The following TRDN variants were observed in gnomAD, a reference collection of about 807,000 sequenced individuals.
TRDN encodes triadin in skeletal muscle.
A neutral mutation model predicts 149.7 loss-of-function variants in TRDN; 161 were observed. The observed-to-expected ratio is 1.08, with a 90% CI of 0.95 to 1.23. The LOEUF is 1.23. Among genes scored for constraint, TRDN ranks in the 50% most tolerant of loss-of-function variants. The pLI is 0.00. For missense variants in TRDN, 896 were observed against 823.5 expected, an observed-to-expected ratio of 1.09 and a Z score of -1.08; for synonymous variants, 294 against 250.5, an observed-to-expected ratio of 1.17 and a Z score of -1.64.
At chr6:123,472,651 A>G (rs565643929) in intron 9 of TRDN, among the ~76,000 whole-genome samples, 42 of 152,346 alleles carry the variant, frequency 2.8e-4, no homozygotes, top group African/African-American at 9.9e-4. Context: ...ACAAAAAGAC[A>G]GCAGTAACCT....
chr6:123,324,124 T>C (rs374450332), intron 23 of TRDN, among the ~76,000 whole-genome samples: 1 of 152,160 alleles, frequency 6.6e-6, no homozygotes, highest in East Asian at 1.9e-4. Context: ...ATTCCTTAGT[T>C]TTCCTTTACT....
At chr6:123,577,327 T>A (rs1217695021) in intron 1 of TRDN, among the ~76,000 whole-genome samples, 1 of 152,098 alleles carries the variant, frequency 6.6e-6, no homozygotes, top group Non-Finnish European at 1.5e-5. Context: ...GGCCCCAGTG[T>A]CTGTTGTTCC....
intron 4 of TRDN, among the ~76,000 whole-genome samples, chr6:123,533,402 A>T (rs1041302197): frequency 5.9e-4 from 89 of 152,130 alleles, no homozygotes; most frequent in Admixed American, 5.8e-3. Context: ...GCTGAAGGCC[A>T]TCTTGCCTGA....
At chr6:123,366,316 A>G in intron 19 of TRDN, 134 bp from the exon 20 acceptor site, 1 of 717,080 alleles carries the variant, frequency 1.4e-6, no homozygotes, top group East Asian at 2.9e-5. Context: ...AGAGAAAGCC[A>G]AAATACAAAG....
intron 9 of TRDN, among the ~76,000 whole-genome samples, chr6:123,486,600 C>T (rs962434750): frequency 6.6e-6 from 1 of 151,732 alleles, no homozygotes; most frequent in Non-Finnish European, 1.5e-5. Context: ...TTTAATAGGG[C>T]CAATTACATA....
chr6:123,400,167 G>GTATATATACATATATATA, intron 12 of TRDN, among the ~76,000 whole-genome samples: 1 of 123,396 alleles, frequency 8.1e-6, no homozygotes, highest in Admixed American at 8.8e-5. Context: ...ATATGTATGT[G>GTATATATACATATATATA]TATATATATA....
At chr6:123,421,038 GTT>G (rs1256000257) in intron 12 of TRDN, among the ~76,000 whole-genome samples, 9 of 152,114 alleles carry the variant, frequency 5.9e-5, no homozygotes, top group African/African-American at 2.2e-4. Context: ...TCTTCTTCCA[GTT>G]AAAAGAGAGG....
chr6:123,636,929 T>C lies in TRDN; in HGVS notation c.-154A>G. 1.2e-6 allele frequency: 1 copy of C among 812,320 alleles called. No individual in the cohort carries two copies. The highest frequency in any genetic ancestry group is 2.0e-6 in the Non-Finnish European group (1 of 500,310). The allele number at this position is 812,320 out of a possible 1,614,324, so 50.3% of individuals were successfully genotyped here. A position where few individuals can be genotyped will look rare whatever the true frequency, so the allele number is the denominator to read the frequency against. On this transcript the variant is annotated 5_prime_UTR_variant, in exon 1 of 41. Coordinates refer to ENST00000334268, the MANE Select transcript of TRDN (RefSeq NM_006073.4). ...TGTTTCTGCTGCTTCTTTGTTGTCC[T>C]GTTGAACTTTGCCTCTCCTCTGCAG...
At chr6:123,594,550 T>C (rs895687757) in intron 1 of TRDN, among the ~76,000 whole-genome samples, 1 of 152,008 alleles carries the variant, frequency 6.6e-6, no homozygotes, top group African/African-American at 2.4e-5. Flanking sequence ...CTTTCTTCAC[T>C]TATCCCAGAA....
At chr6:123,360,185 G>C (rs951063199) in intron 20 of TRDN, among the ~76,000 whole-genome samples, 1 of 152,154 alleles carries the variant, frequency 6.6e-6, no homozygotes, top group East Asian at 1.9e-4. Context: ...ATATTTATTG[G>C]GCAGTTGAAC....
At chr6:123,593,010 G>C (rs773712224) in intron 1 of TRDN, among the ~76,000 whole-genome samples, 1 of 152,060 alleles carries the variant, frequency 6.6e-6, no homozygotes, top group African/African-American at 2.4e-5. Flanking sequence ...AGTGTTAGAG[G>C]AAGTTCTTCA....
intron 32 of TRDN, among the ~76,000 whole-genome samples, chr6:123,266,033 A>G (rs550646340): frequency 6.4e-4 from 91 of 141,938 alleles, no homozygotes; most frequent in African/African-American, 2.3e-3. Flanking sequence ...CTAATAGCTA[A>G]CAGAGGGAAT....
intron 1 of TRDN, 36 bp from the exon 2 acceptor site, chr6:123,571,168 A>G (rs753117004): frequency 5.0e-6 from 8 of 1,602,834 alleles, no homozygotes; most frequent in Non-Finnish European, 2.6e-6. Flanking sequence ...TATAATTTAG[A>G]GATTCATGGT....
chr6:123,292,075 G>C (rs998524135), intron 24 of TRDN, among the ~76,000 whole-genome samples: 1 of 152,094 alleles, frequency 6.6e-6, no homozygotes, highest in Non-Finnish European at 1.5e-5. Context: ...GGGGCTAGTG[G>C]GTACCTGCTC....
intron 7 of TRDN, among the ~76,000 whole-genome samples, chr6:123,506,200 T>C (rs1404050784): frequency 1.2e-4 from 19 of 152,166 alleles, no homozygotes; most frequent in Admixed American, 1.2e-3. Flanking sequence ...AGAGTCTATG[T>C]TGACCTGGGC....
chr6:123,503,763 T>C lies in TRDN; in HGVS notation c.749A>G (p.Lys250Arg). ...VQKTPSKPKE[K>R]EDKEKAAVSK... is the part of the protein sequence containing the mutation. ...CACAGCTGCTTTCTCTTTGTCCTCC[T>C]TTTCTTTGGGTTTTGATGGTGTTTT... Residue 250 changes from lysine (K) to arginine (R), a missense_variant, in exon 8 of 41, where the codon AAG becomes AGG. Lys to Arg is a conservative substitution (Grantham distance 26). Transcript: ENST00000334268. 1 of 1,613,780 alleles carries C rather than the reference T, an allele frequency of 6.2e-7. No homozygotes were observed. Among genetic ancestry groups the C allele is most frequent in the African/African-American group, 1.3e-5 (1 of 75,030 alleles).
intron 16 of TRDN, among the ~76,000 whole-genome samples, chr6:123,380,374 T>C (rs1781668464): frequency 6.6e-6 from 1 of 152,222 alleles, no homozygotes; most frequent in African/African-American, 2.4e-5. Context: ...TTCTCCATTT[T>C]CCTGCTGGTG....
At chr6:123,589,465 A>G (rs1168529320) in intron 1 of TRDN, among the ~76,000 whole-genome samples, 1 of 152,182 alleles carries the variant, frequency 6.6e-6, no homozygotes, top group Non-Finnish European at 1.5e-5. Context: ...GCCTTGAGTA[A>G]TGACATGCCA....
Position 123,279,102 on chromosome 6 carries a change from T to C in TRDN, c.1511-20A>G, listed in dbSNP as rs773044428. ...CTTTGCCTAGAAAAAAGTAAAAAAA[T>C]TATTAAAGGCTGAGTCATACAATTC... On this transcript the variant is annotated intron_variant, in intron 24 of 40. Coordinates refer to ENST00000334268, the MANE Select transcript of TRDN (RefSeq NM_006073.4). 1 of 1,595,960 alleles carries C rather than the reference T, an allele frequency of 6.3e-7. No individual in the cohort carries two copies.
Sources: gnomAD v4.1 joint callset for allele counts (sites outside exome capture counted in the v4.1 genomes callset) on GRCh38, gnomAD v4.1.1 for gene constraint, MANE v1.5 for transcripts, NCBI Gene and HGNC (gene_info 2026-07-23, HGNC 2026-07-21) for gene names.